The following SAMM50 variants were observed in gnomAD, a reference collection of about 807,000 sequenced individuals.
The protein encoded by SAMM50 is SAMM50 sorting and assembly machinery component.
Under a neutral mutation model 66.9 loss-of-function variants are expected in SAMM50, and 47 were observed. That is an observed-to-expected ratio of 0.70 (90% CI 0.56 to 0.90). SAMM50 has a LOEUF of 0.90. Ranked by LOEUF, SAMM50 falls within the 40% of genes least tolerant of loss-of-function variation. The pLI, the probability that SAMM50 is intolerant of heterozygous loss-of-function variation, is 0.00. For missense variants in SAMM50, 535 were observed against 595.3 expected (o/e 0.90, Z 1.05); for synonymous variants, 191 against 214.1 (o/e 0.89, Z 0.94).
intron 1 of SAMM50, among the ~76,000 whole-genome samples, chr22:43,959,835 GT>G (rs1454111840): frequency 1.3e-5 from 2 of 152,094 alleles, no homozygotes; most frequent in African/African-American, 4.8e-5. Flanking sequence ...TAGTAACACA[GT>G]TACTAATATT....
intron 1 of SAMM50, among the ~76,000 whole-genome samples, 156 bp downstream of exon 1, chr22:43,955,754 C>G (rs562927275): frequency 3.0e-4 from 45 of 152,332 alleles, no homozygotes; most frequent in African/African-American, 1.1e-3. Flanking sequence ...AAGAGGTCGC[C>G]TCGGGCCAGC....
Position 43,976,826 on chromosome 22 carries a change from T to G in SAMM50, c.849+5T>G. Reference sequence around the variant, plus strand: ...GCTTTGCTGAAAGTTAACCAGGTAGTGTTGTTTCACCTGTGACCCCTGCAG... The same window carrying G: ...GCTTTGCTGAAAGTTAACCAGGTAGGGTTGTTTCACCTGTGACCCCTGCAG... On this transcript the variant is annotated splice_donor_5th_base_variant and intron_variant, in intron 9 of 14. Transcript: ENST00000350028. 4 of 1,607,244 alleles carry G rather than the reference T, an allele frequency of 2.5e-6. No homozygotes were observed. The highest frequency in any genetic ancestry group is 3.4e-6 in the Non-Finnish European group (4 of 1,175,292).
intron 11 of SAMM50, among the ~76,000 whole-genome samples, chr22:43,982,955 A>C (rs956634761): frequency 6.6e-6 from 1 of 152,220 alleles, no homozygotes; most frequent in African/African-American, 2.4e-5. Flanking sequence ...ATTTCTTTAA[A>C]AACGAAGCTT....
chr22:43,958,680 T>C (rs1314895152), intron 1 of SAMM50, among the ~76,000 whole-genome samples: 2 of 152,028 alleles, frequency 1.3e-5, no homozygotes, highest in East Asian at 3.9e-4. Flanking sequence ...GGTTTTGCCA[T>C]GTTGGCCAGG....
At chr22:43,980,967 C>T (rs770363980) in intron 10 of SAMM50, among the ~76,000 whole-genome samples, 6 of 152,210 alleles carry the variant, frequency 3.9e-5, no homozygotes, top group Non-Finnish European at 7.3e-5. Context: ...GCAGCCGGTA[C>T]CTTCTTTCAG....
chr22:43,993,279 G>T (rs965207454), intron 14 of SAMM50, among the ~76,000 whole-genome samples: 1 of 152,238 alleles, frequency 6.6e-6, no homozygotes, highest in Non-Finnish European at 1.5e-5. Context: ...TGCACGTCTC[G>T]GGCAGGGAGG....
At chr22:43,989,052 T>C (rs1318766410) in intron 12 of SAMM50, 59 bp from the exon 13 acceptor site, 1 of 1,559,046 alleles carries the variant, frequency 6.4e-7, no homozygotes, top group Non-Finnish European at 8.7e-7. Context: ...TTGTGGAAAG[T>C]TAACGTGATG....
intron 2 of SAMM50, among the ~76,000 whole-genome samples, chr22:43,964,243 A>C (rs79811300): frequency 6.6e-6 from 1 of 152,172 alleles, no homozygotes; most frequent in African/African-American, 2.4e-5. Flanking sequence ...GCTCTTGTTC[A>C]CAGAAAGTAC....
At position 43,981,465 on chromosome 22, in the gene SAMM50, A is replaced by T. The variant is rs770163022; in HGVS notation, c.1007+4A>T. Reference sequence around the variant, plus strand: ...AGCCGTCAAGCATTGCTGATAGGTAAGTACTAATCAATGAATGGATAATTT... The same window carrying T: ...AGCCGTCAAGCATTGCTGATAGGTATGTACTAATCAATGAATGGATAATTT... On this transcript the variant is annotated splice_donor_region_variant and intron_variant, in intron 11 of 14. Transcript: ENST00000350028. The T allele has an allele frequency of 6.3e-7, 1 of 1,591,938 alleles. No homozygotes were observed. Among genetic ancestry groups the T allele is most frequent in the Admixed American group, 1.7e-5 (1 of 59,970 alleles).
At chr22:43,976,023 G>A in intron 7 of SAMM50, 32 bp from the exon 8 acceptor site, 2 of 1,590,222 alleles carry the variant, frequency 1.3e-6, no homozygotes, top group African/African-American at 1.3e-5. Context: ...AGTATGTGTG[G>A]TCCGGAAAGA....
intron 12 of SAMM50, among the ~76,000 whole-genome samples, 164 bp downstream of exon 12, chr22:43,984,164 T>C (rs1181068430): frequency 1.3e-5 from 2 of 152,146 alleles, no homozygotes; most frequent in Non-Finnish European, 2.9e-5. Context: ...AGAACATTTA[T>C]TGAGAGAATT....
At position 43,990,277 on chromosome 22, in the gene SAMM50, A is replaced by G. The variant is rs1454427705; in HGVS notation, c.1235A>G (p.Lys412Arg). ...LCNLNYGEGP[K>R]AHIRKLAECI... Reference sequence around the variant, plus strand: ...TTTCTCTTTTCAGGGGAGGGCCCCAAAGCTCATATTCGTAAGCTGGCTGAG... The same window carrying G: ...TTTCTCTTTTCAGGGGAGGGCCCCAGAGCTCATATTCGTAAGCTGGCTGAG... Residue 412 changes from lysine (K) to arginine (R), a missense_variant, in exon 14 of 15, where the codon AAA becomes AGA. Transcript: ENST00000350028. 3.1e-6 allele frequency: 5 copies of G among 1,614,022 alleles called. No homozygotes were observed. Among genetic ancestry groups the G allele is most frequent in the Non-Finnish European group, 3.4e-6 (4 of 1,180,032 alleles).
rs1478609030 is a variant in SAMM50 at position 43,968,659 on chromosome 22, C to T, written c.235-72C>T. The stretch of plus-strand genomic sequence containing the variant: ...CCGAATGGTAAACTACCAGCCTCGC[C>T]GTGTGGCTGCCATTTGCTGTTTCTG... On this transcript the variant is annotated intron_variant, in intron 3 of 14. Transcript: ENST00000350028. 6.7e-6 allele frequency: 7 copies of T among 1,052,418 alleles called. No individual in the cohort carries two copies. In the Admixed American group the frequency reaches 6.8e-5, roughly 10 times the overall value. 65.2% of individuals were successfully genotyped at this position (1,052,418 alleles called of 1,614,324 possible).
chr22:43,983,822 C>T lies in SAMM50; in HGVS notation c.1008-111C>T, dbSNP rs1273058840. ...AGGTTTTGCCTTGTAAAAATGCTGT[C>T]GATAATCTAGTATCGAATGTGAGTC... On this transcript the variant is annotated intron_variant, in intron 11 of 14. Coordinates refer to ENST00000350028, the MANE Select transcript of SAMM50 (RefSeq NM_015380.5). This position sits in a 1 kb window ranked among gnomAD's most constrained non-coding sequence, Gnocchi z 4.2. 9 of 728,738 alleles carry T rather than the reference C, an allele frequency of 1.2e-5. No homozygotes were observed. Among genetic ancestry groups the T allele is most frequent in the South Asian group, 3.9e-5 (2 of 51,122 alleles). The allele number at this position is 728,738 out of a possible 1,614,324, so 45.1% of individuals were successfully genotyped here.
At position 43,957,371 on chromosome 22, in the gene SAMM50, A is replaced by C. The variant is rs2050125202; in HGVS notation, c.21+1773A>C. ...TAAACTAATGAAAAGTCAATAAATC[A>C]ATGTGGATTTGTGCTCTTGAAAAAA... On this transcript the variant is annotated intron_variant, in intron 1 of 14. Transcript: ENST00000350028. 5.4e-5 allele frequency: 27 copies of C among 496,924 alleles called. No homozygotes were observed. The South Asian group carries it at 6.8e-4, about 13-fold the overall frequency. 30.8% of individuals were successfully genotyped at this position (496,924 alleles called of 1,614,324 possible).
At chr22:43,974,257 G>A (rs2050219720) in intron 7 of SAMM50, among the ~76,000 whole-genome samples, 1 of 152,122 alleles carries the variant, frequency 6.6e-6, no homozygotes, top group Non-Finnish European at 1.5e-5. Flanking sequence ...AGCTTTAAGT[G>A]TGCTCTCCCT....
In SAMM50 at chr22:43,981,379, C is replaced by A; in HGVS notation, c.937-12C>A. ...GCTGGGAGAAAACAACCATTTGTTTCTATTTGAACAGGTTTTTTCAGCGTC... is the reference window on the plus strand; with the variant it reads ...GCTGGGAGAAAACAACCATTTGTTTATATTTGAACAGGTTTTTTCAGCGTC... On this transcript the variant is annotated splice_polypyrimidine_tract_variant and intron_variant, in intron 10 of 14. Coordinates refer to ENST00000350028, the MANE Select transcript of SAMM50 (RefSeq NM_015380.5). 1.2e-6 allele frequency: 2 copies of A among 1,610,162 alleles called. No homozygotes were observed. Among genetic ancestry groups the A allele is most frequent in the South Asian group, 1.1e-5 (1 of 90,986 alleles).
intron 4 of SAMM50, 59 bp from the exon 5 acceptor site, chr22:43,972,176 TG>T: frequency 9.4e-7 from 1 of 1,063,722 alleles, no homozygotes. Flanking sequence ...TTTTTAGCAA[TG>T]GGAACCCAAA....
intron 4 of SAMM50, among the ~76,000 whole-genome samples, chr22:43,971,839 T>C (rs560001021): frequency 6.6e-6 from 1 of 152,248 alleles, no homozygotes; most frequent in South Asian, 2.1e-4. Context: ...GCCTCCCGAA[T>C]AGTTGAGACT....
Sources: allele counts gnomAD v4.1 joint callset (sites outside exome capture counted in the v4.1 genomes callset), GRCh38; gene constraint gnomAD v4.1.1; non-coding constraint Gnocchi (gnomAD v3.1); transcripts MANE v1.5; gene names NCBI Gene and HGNC (gene_info 2026-07-23, HGNC 2026-07-21).